Variants in BICDL1 observed in about 807,000 individuals in gnomAD.
BICDL1 encodes BICD family like cargo adaptor 1, also known as BICD family-like cargo adapter 1.
Under a neutral mutation model 76.8 loss-of-function variants are expected in BICDL1, and 20 were observed. The observed-to-expected ratio is 0.26, with a 90% CI of 0.18 to 0.38. The LOEUF is 0.38. BICDL1 is among the 10% of genes least tolerant of loss of function. The pLI, the probability that BICDL1 is intolerant of heterozygous loss-of-function variation, is 1.00. For missense variants in BICDL1, 700 were observed against 798.6 expected (o/e 0.88, Z 1.49); for synonymous variants, 383 against 337.1 (o/e 1.14, Z -1.49).
rs151297354 is a variant in BICDL1, at chr12:119,990,520, C to T, written c.429+223C>T. On this transcript the variant is annotated intron_variant, in intron 1 of 9. Coordinates refer to ENST00000548673, the MANE Select transcript of BICDL1 (RefSeq NM_001367886.1). ...CAAATGGGTCCATGCGTGGCTCCAG[C>T]CGCTGTGGGCCGTTCTATATACGTA... Among the ~76,000 whole-genome samples, 501 of 152,272 alleles carry T rather than the reference C, an allele frequency of 3.3e-3. 1 individual carries two copies. The highest frequency in any genetic ancestry group is 0.016 in the South Asian group (75 of 4,830).
At chr12:120,048,321 C>T (rs1952787457) in intron 2 of BICDL1, among the ~76,000 whole-genome samples, 1 of 152,108 alleles carries the variant, frequency 6.6e-6, no homozygotes, top group South Asian at 2.1e-4. Context: ...ATAATACAAC[C>T]TCCATATTTG....
At chr12:119,990,407 C>T in intron 1 of BICDL1, 110 bp downstream of exon 1, 3 of 1,494,290 alleles carry the variant, frequency 2.0e-6, no homozygotes, top group Non-Finnish European at 2.7e-6. Context: ...CACCCTACCT[C>T]GCAGAAAATC....
intron 4 of BICDL1, among the ~76,000 whole-genome samples, chr12:120,069,023 C>T (rs916903932): frequency 6.6e-6 from 1 of 152,030 alleles, no homozygotes. Flanking sequence ...CTACCACTGG[C>T]GTCATTCCCC....
At chr12:120,035,433 A>G (rs776455354) in intron 2 of BICDL1, among the ~76,000 whole-genome samples, 17 of 152,360 alleles carry the variant, frequency 1.1e-4, no homozygotes, top group East Asian at 1.9e-4. Context: ...TGTTAACCCT[A>G]TGTGATACGT....
intron 3 of BICDL1, 116 bp from the exon 4 acceptor site, chr12:120,064,617 A>G: frequency 9.9e-7 from 1 of 1,015,044 alleles, no homozygotes; most frequent in Non-Finnish European, 1.4e-6. Context: ...GGGTACCGTG[A>G]CATTGGGCAG....
rs1424688567 is a variant in BICDL1 at position 120,079,804 on chromosome 12, C to T, written c.1453-1083C>T. 2.6e-5 allele frequency among the ~76,000 whole-genome samples: 4 copies of T among 152,250 alleles called. No homozygotes were observed. The highest frequency in any genetic ancestry group is 2.6e-4 in the Admixed American group (4 of 15,282). The stretch of plus-strand genomic sequence containing the variant: ...CATGGGAAAAGGGACAACAAACAAA[C>T]TGCCGCCCTTGTCACTAATTCCTCC... On this transcript the variant is annotated intron_variant, in intron 7 of 9. Coordinates refer to ENST00000548673, the MANE Select transcript of BICDL1 (RefSeq NM_001367886.1). The surrounding 1 kb of genome is among the most constrained non-coding windows in gnomAD (Gnocchi z 4.3).
intron 1 of BICDL1, 101 bp downstream of exon 1, chr12:119,990,398 A>G (rs1372749028): frequency 1.3e-6 from 2 of 1,496,108 alleles, no homozygotes; most frequent in Non-Finnish European, 8.9e-7. Context: ...TTCGTTGCTC[A>G]CCCTACCTCG....
intron 2 of BICDL1, among the ~76,000 whole-genome samples, chr12:120,050,151 C>T (rs1363076745): frequency 6.6e-5 from 10 of 152,016 alleles, no homozygotes; most frequent in African/African-American, 2.4e-4. Flanking sequence ...TAAAAAATTA[C>T]GCGTCTTTTT....
intron 1 of BICDL1, among the ~76,000 whole-genome samples, chr12:119,998,271 G>A (rs1383291508): frequency 1.3e-5 from 2 of 152,162 alleles, no homozygotes; most frequent in African/African-American, 4.8e-5. Context: ...TCATGCCTAA[G>A]GATAAGAATA....
intron 1 of BICDL1, among the ~76,000 whole-genome samples, chr12:119,994,194 G>A (rs972628447): frequency 6.6e-6 from 1 of 151,974 alleles, no homozygotes; most frequent in Admixed American, 6.6e-5. Flanking sequence ...CCCAGGCCAG[G>A]CCAATTCTCA....
At chr12:120,012,123 G>A (rs1390826958) in intron 2 of BICDL1, among the ~76,000 whole-genome samples, 2 of 152,132 alleles carry the variant, frequency 1.3e-5, no homozygotes, top group Non-Finnish European at 2.9e-5. Context: ...CTCTGGGACC[G>A]AGGGCGGCTT....
At chr12:120,076,882 A>G (rs1282794683) in intron 7 of BICDL1, among the ~76,000 whole-genome samples, 1 of 152,224 alleles carries the variant, frequency 6.6e-6, no homozygotes, top group African/African-American at 2.4e-5. Context: ...GGTTGGTTCA[A>G]CATCCACTGA....
At chr12:120,061,583 G>A (rs1465403045) in intron 2 of BICDL1, 127 bp from the exon 3 acceptor site, 5 of 721,972 alleles carry the variant, frequency 6.9e-6, no homozygotes, top group Non-Finnish European at 1.2e-5. Flanking sequence ...TGGGAAACCA[G>A]CATCTCATCT....
At chr12:120,088,149 C>T (rs887655732) in intron 8 of BICDL1, among the ~76,000 whole-genome samples, 1 of 152,056 alleles carries the variant, frequency 6.6e-6, no homozygotes, top group Non-Finnish European at 1.5e-5. Flanking sequence ...TCAGGCTGGT[C>T]TCGAACTCCC....
At chr12:120,038,358 C>T (rs547242725) in intron 2 of BICDL1, among the ~76,000 whole-genome samples, 1 of 152,188 alleles carries the variant, frequency 6.6e-6, no homozygotes, top group South Asian at 2.1e-4. Flanking sequence ...ATTACTTTAT[C>T]AGTAATAAGA....
intron 4 of BICDL1, among the ~76,000 whole-genome samples, chr12:120,067,378 C>T (rs1005032188): frequency 6.6e-6 from 1 of 152,262 alleles, no homozygotes; most frequent in Non-Finnish European, 1.5e-5. Flanking sequence ...AATCACGTAA[C>T]ATCACACCAT....
chr12:120,006,967 T>G (rs1369209881), intron 2 of BICDL1, among the ~76,000 whole-genome samples: 1 of 151,802 alleles, frequency 6.6e-6, no homozygotes, highest in Non-Finnish European at 1.5e-5. Flanking sequence ...CCAGGTAGAG[T>G]TGATGGTAGC....
intron 2 of BICDL1, among the ~76,000 whole-genome samples, chr12:120,017,741 AG>A (rs201740182): frequency 7.9e-5 from 12 of 152,104 alleles, no homozygotes; most frequent in South Asian, 2.1e-4. Flanking sequence ...GAAAAAAAAA[AG>A]AAAATGTGTC....
At chr12:120,028,085 C>T (rs535349288) in intron 2 of BICDL1, among the ~76,000 whole-genome samples, 1 of 152,296 alleles carries the variant, frequency 6.6e-6, no homozygotes, top group African/African-American at 2.4e-5. Context: ...GTTTTGAAGG[C>T]TAGCTGTTAA....
Sources: gnomAD v4.1 joint callset for allele counts (sites outside exome capture counted in the v4.1 genomes callset) on GRCh38, gnomAD v4.1.1 for gene constraint, Gnocchi (gnomAD v3.1) non-coding constraint, MANE v1.5 for transcripts, NCBI Gene and HGNC (gene_info 2026-07-23, HGNC 2026-07-21) for gene names.